CTNND2: variants seen among roughly 807,000 people sequenced by gnomAD.
The protein encoded by CTNND2 is catenin delta 2.
A neutral mutation model predicts 144.4 loss-of-function variants in CTNND2; 22 were observed. That is an observed-to-expected ratio of 0.15 (90% CI 0.11 to 0.22). The LOEUF is 0.22. CTNND2 is among the 10% of genes least tolerant of loss of function. The pLI is 1.00. For synonymous variants in CTNND2, 751 were observed against 695.6 expected, an observed-to-expected ratio of 1.08 and a Z score of -1.25; for missense variants, 1,353 against 1,618.8, an observed-to-expected ratio of 0.84 and a Z score of 2.82.
chr5:11,051,435 G>T (rs1423095904), intron 16 of CTNND2, among the ~76,000 whole-genome samples: 1 of 152,192 alleles, frequency 6.6e-6, no homozygotes, highest in Non-Finnish European at 1.5e-5. Flanking sequence ...GGCCTTCATT[G>T]ACAAGAGCTT....
chr5:11,717,366 G>A (rs545225452), intron 2 of CTNND2, among the ~76,000 whole-genome samples: 10 of 151,648 alleles, frequency 6.6e-5, no homozygotes, highest in South Asian at 6.3e-4. Flanking sequence ...CTGAAGTCAA[G>A]ACTTGGAGAC....
intron 18 of CTNND2, among the ~76,000 whole-genome samples, chr5:11,001,999 G>A (rs1453269554): frequency 6.6e-6 from 1 of 152,230 alleles, no homozygotes; most frequent in Non-Finnish European, 1.5e-5. Flanking sequence ...GCCCCATGGA[G>A]CTCAGAAGAA....
chr5:11,823,925 T>G (rs1223115159), intron 1 of CTNND2, among the ~76,000 whole-genome samples: 4 of 151,970 alleles, frequency 2.6e-5, no homozygotes, highest in African/African-American at 9.7e-5. Context: ...CTGGCCAACA[T>G]GGTGAAACCG....
At chr5:11,150,905 C>A (rs573223748) in intron 12 of CTNND2, among the ~76,000 whole-genome samples, 1 of 152,094 alleles carries the variant, frequency 6.6e-6, no homozygotes, top group African/African-American at 2.4e-5. Flanking sequence ...AGATGACAGG[C>A]GTGAGCCACC....
chr5:11,615,938 A>C (rs1780557997), intron 2 of CTNND2, among the ~76,000 whole-genome samples: 1 of 152,222 alleles, frequency 6.6e-6, no homozygotes, highest in Non-Finnish European at 1.5e-5. Context: ...AGGTCATTTT[A>C]GCACCATGAG....
chr5:11,806,650 G>T (rs1051009205), intron 1 of CTNND2, among the ~76,000 whole-genome samples: 1 of 151,952 alleles, frequency 6.6e-6, no homozygotes, highest in Non-Finnish European at 1.5e-5. Flanking sequence ...TAGCATTCTG[G>T]GTTTTGGTTG....
intron 2 of CTNND2, among the ~76,000 whole-genome samples, chr5:11,613,626 G>A (rs1044071419): frequency 2.6e-5 from 4 of 152,156 alleles, no homozygotes; most frequent in Non-Finnish European, 4.4e-5. Flanking sequence ...TGAATTAAAC[G>A]CTGGTGTGGA....
chr5:11,098,784 A>G (rs749650701), intron 14 of CTNND2, 36 bp from the exon 15 acceptor site: 1 of 1,603,114 alleles, frequency 6.2e-7, no homozygotes, highest in South Asian at 1.1e-5. Context: ...AACATCTTTA[A>G]CATCTTTATG....
intron 16 of CTNND2, among the ~76,000 whole-genome samples, chr5:11,055,119 G>A (rs147652784): frequency 1.2e-4 from 18 of 152,322 alleles, no homozygotes; most frequent in African/African-American, 4.3e-4. Flanking sequence ...ATGAATAACG[G>A]TTGGAGAAGG....
chr5:11,099,444 C>G (rs1198345745), intron 14 of CTNND2, among the ~76,000 whole-genome samples: 1 of 152,126 alleles, frequency 6.6e-6, no homozygotes, highest in African/African-American at 2.4e-5. Flanking sequence ...TTATGGCTTA[C>G]ACGCACAAAG....
chr5:11,318,507 T>C lies in CTNND2; in HGVS notation c.1628+27865A>G, dbSNP rs549905513. 3.3e-5 allele frequency among the ~76,000 whole-genome samples: 5 copies of C among 152,256 alleles called. No homozygotes were observed. In the East Asian group the frequency reaches 9.7e-4, roughly 29 times the overall value. On this transcript the variant is annotated intron_variant, in intron 9 of 21. Coordinates refer to ENST00000304623, the MANE Select transcript of CTNND2 (RefSeq NM_001332.4). ...GCACCCCAATCCTAACCCTCAATCC[T>C]TAGCTCTTAGGCCCCTCCTCATGCT...
intron 2 of CTNND2, among the ~76,000 whole-genome samples, chr5:11,715,212 C>G (rs1218075671): frequency 6.6e-6 from 1 of 152,120 alleles, no homozygotes; most frequent in Non-Finnish European, 1.5e-5. Flanking sequence ...ATGATACTAT[C>G]AAGCATGAAC....
At chr5:11,729,726 A>C (rs995146679) in intron 2 of CTNND2, among the ~76,000 whole-genome samples, 1 of 152,196 alleles carries the variant, frequency 6.6e-6, no homozygotes, top group African/African-American at 2.4e-5. Flanking sequence ...TGGTTATTGA[A>C]CATTTTAAAT....
In CTNND2 at chr5:11,295,816, T is replaced by G. The variant is rs556074122; in HGVS notation, c.1628+50556A>C. On this transcript the variant is annotated intron_variant, in intron 9 of 21. Transcript: ENST00000304623. ...TGAAACTGGATCCCTTCCTTACACT[T>G]TATACAAAAATTAATTCAAGATGCA... 1.4e-3 allele frequency among the ~76,000 whole-genome samples: 212 copies of G among 152,188 alleles called. 2 individuals are homozygous for G. The highest frequency in any genetic ancestry group is 0.013 in the Admixed American group (198 of 15,274).
intron 3 of CTNND2, among the ~76,000 whole-genome samples, chr5:11,518,232 T>TGC (rs1772368383): frequency 3.9e-5 from 6 of 151,916 alleles, no homozygotes; most frequent in Non-Finnish European, 8.8e-5. Context: ...TGTGCTTGTG[T>TGC]CTTAGTTTTT....
chr5:11,126,008 T>C (rs1312553617), intron 12 of CTNND2, among the ~76,000 whole-genome samples: 2 of 152,194 alleles, frequency 1.3e-5, no homozygotes, highest in African/African-American at 2.4e-5. Context: ...TATCTCATGG[T>C]ATAAATAGAT....
intron 9 of CTNND2, among the ~76,000 whole-genome samples, chr5:11,283,591 T>C (rs1342485483): frequency 1.4e-5 from 2 of 139,710 alleles, no homozygotes; most frequent in African/African-American, 2.7e-5. Context: ...GGAGAATCAC[T>C]TGAACCTGGG....
At chr5:10,975,896 C>CTGT (rs1736404132) in intron 21 of CTNND2, among the ~76,000 whole-genome samples, 1 of 152,206 alleles carries the variant, frequency 6.6e-6, no homozygotes, top group Admixed American at 6.5e-5. Context: ...ATTGCTTTGA[C>CTGT]TGTTGTCATG....
intron 2 of CTNND2, among the ~76,000 whole-genome samples, chr5:11,589,186 T>G (rs919081876): frequency 1.3e-5 from 2 of 151,946 alleles, no homozygotes; most frequent in Non-Finnish European, 2.9e-5. Flanking sequence ...AAAAGGACCC[T>G]CCCACTAGCC....
Sources: allele counts gnomAD v4.1 joint callset (sites outside exome capture counted in the v4.1 genomes callset), GRCh38; gene constraint gnomAD v4.1.1; transcripts MANE v1.5; gene names NCBI Gene and HGNC (gene_info 2026-07-23, HGNC 2026-07-21).